The following HIP1 variants were observed in gnomAD, a reference collection of about 807,000 sequenced individuals.
HIP1 encodes huntingtin interacting protein 1, also known as huntingtin-interacting protein 1.
In HIP1, 65 loss-of-function variants were observed where a neutral mutation model predicts 147.6. The observed-to-expected ratio is 0.44, with a 90% CI of 0.36 to 0.54. The LOEUF (loss-of-function observed/expected upper bound fraction) is 0.54. Ranked by LOEUF, HIP1 falls within the 20% of genes least tolerant of loss-of-function variation. The pLI, the probability that HIP1 is intolerant of heterozygous loss-of-function variation, is 0.00. For missense variants in HIP1, 1,061 were observed against 1,299.6 expected, an observed-to-expected ratio of 0.82 and a Z score of 2.82; for synonymous variants, 479 against 504.0, an observed-to-expected ratio of 0.95 and a Z score of 0.67.
At chr7:75,589,408 G>A (rs1438670043) in intron 4 of HIP1, among the ~76,000 whole-genome samples, 3 of 151,948 alleles carry the variant, frequency 2.0e-5, no homozygotes, top group African/African-American at 7.2e-5. Context: ...AAAGGGGCTG[G>A]GCGCGATGGC....
At chr7:75,610,590 G>C (rs929566036) in intron 1 of HIP1, among the ~76,000 whole-genome samples, 2 of 151,638 alleles carry the variant, frequency 1.3e-5, no homozygotes, top group South Asian at 2.1e-4. Context: ...ACCCAGACTA[G>C]AATCCCAAGC....
At chr7:75,558,310 C>A in intron 14 of HIP1, 55 bp from the exon 15 acceptor site, 1 of 1,350,612 alleles carries the variant, frequency 7.4e-7, no homozygotes, top group Non-Finnish European at 1.1e-6. Context: ...CCCTTGCCTT[C>A]CTTGCAATGA....
intron 1 of HIP1, among the ~76,000 whole-genome samples, chr7:75,619,913 C>G (rs140490722): frequency 1.3e-4 from 20 of 152,312 alleles, no homozygotes; most frequent in Non-Finnish European, 2.5e-4. Flanking sequence ...GATACCACCC[C>G]TGCTCTCTGT....
chr7:75,574,530 A>C (rs1795768425), intron 7 of HIP1, among the ~76,000 whole-genome samples: 1 of 150,656 alleles, frequency 6.6e-6, no homozygotes. Flanking sequence ...CAGAGGTTGC[A>C]GTGAGCCGAG....
intron 1 of HIP1, among the ~76,000 whole-genome samples, chr7:75,689,310 C>T (rs1295282365): frequency 1.3e-5 from 2 of 151,938 alleles, no homozygotes; most frequent in Non-Finnish European, 2.9e-5. Context: ...ATTCGAGACC[C>T]GCCTGGCCAA....
At position 75,661,933 on chromosome 7, in the gene HIP1, A is replaced by G. The variant is rs368717954; in HGVS notation, c.121-62686T>C. 1.9e-3 allele frequency among the ~76,000 whole-genome samples: 283 copies of G among 152,124 alleles called. 2 individuals are homozygous for G. Among genetic ancestry groups the G allele is most frequent in the African/African-American group, 6.5e-3 (271 of 41,478 alleles). ...AGAGGAGGCAATCAGGCTTTTAAGGATGGAGAAGATTTGCATATGGTGGGA... is the reference window on the plus strand; with the variant it reads ...AGAGGAGGCAATCAGGCTTTTAAGGGTGGAGAAGATTTGCATATGGTGGGA... On this transcript the variant is annotated intron_variant, in intron 1 of 30. Coordinates refer to ENST00000336926, the MANE Select transcript of HIP1 (RefSeq NM_005338.7).
At chr7:75,661,949 T>C (rs1325764871) in intron 1 of HIP1, among the ~76,000 whole-genome samples, 1 of 151,594 alleles carries the variant, frequency 6.6e-6, no homozygotes, top group African/African-American at 2.4e-5. Flanking sequence ...AAGATTTGCA[T>C]ATGGTGGGAG....
At chr7:75,626,122 A>G (rs187209047) in intron 1 of HIP1, 3 of 152,270 alleles carry the variant, frequency 2.0e-5, no homozygotes, top group Admixed American at 2.0e-4. Flanking sequence ...TCTATTGTTT[A>G]TAGACCCAGT....
chr7:75,725,682 G>C (rs1348477847), intron 1 of HIP1, among the ~76,000 whole-genome samples: 2 of 152,098 alleles, frequency 1.3e-5, no homozygotes, highest in Non-Finnish European at 2.9e-5. Flanking sequence ...ATTTTCATGG[G>C]TGTATAGTAT....
intron 1 of HIP1, among the ~76,000 whole-genome samples, chr7:75,661,799 C>G (rs1468102577): frequency 6.6e-6 from 1 of 151,672 alleles, no homozygotes; most frequent in African/African-American, 2.4e-5. Flanking sequence ...CTTGGAGCCA[C>G]TGGGGGAGGA....
chr7:75,567,665 G>A (rs781926875), intron 9 of HIP1, among the ~76,000 whole-genome samples: 4 of 149,582 alleles, frequency 2.7e-5, no homozygotes, highest in African/African-American at 1.0e-4. Context: ...GCTGGGCATG[G>A]TGGTGTGTGC....
chr7:75,545,641 C>CAAACA (rs782410901), intron 25 of HIP1, among the ~76,000 whole-genome samples: 9 of 149,630 alleles, frequency 6.0e-5, no homozygotes, highest in African/African-American at 7.4e-5. Flanking sequence ...GATTCTGTCT[C>CAAACA]AAACAAAACA....
At chr7:75,542,506 T>C (rs759842621) in intron 28 of HIP1, among the ~76,000 whole-genome samples, 105 of 150,618 alleles carry the variant, frequency 7.0e-4, no homozygotes, top group Non-Finnish European at 1.3e-3. Flanking sequence ...CGAGACCAGC[T>C]TGGCTAACAT....
At chr7:75,643,083 G>A (rs1323215227) in intron 1 of HIP1, among the ~76,000 whole-genome samples, 2 of 152,230 alleles carry the variant, frequency 1.3e-5, no homozygotes, top group Admixed American at 6.5e-5. Context: ...CTACTGGTGA[G>A]TCGAGATTCT....
At chr7:75,574,666 G>C (rs587700705) in intron 7 of HIP1, among the ~76,000 whole-genome samples, 1 of 152,230 alleles carries the variant, frequency 6.6e-6, no homozygotes, top group African/African-American at 2.4e-5. Flanking sequence ...AGAGCTGATG[G>C]GGCCAATGAT....
chr7:75,689,246 A>G (rs782533300), intron 1 of HIP1, among the ~76,000 whole-genome samples: 1 of 151,996 alleles, frequency 6.6e-6, no homozygotes, highest in Non-Finnish European at 1.5e-5. Flanking sequence ...TGGCTCACAC[A>G]TGTAATCCCA....
intron 1 of HIP1, among the ~76,000 whole-genome samples, chr7:75,675,403 G>C (rs1429935592): frequency 6.6e-6 from 1 of 152,066 alleles, no homozygotes; most frequent in Non-Finnish European, 1.5e-5. Flanking sequence ...GTTTCACCAT[G>C]TTGGCCAGGC....
intron 13 of HIP1, 144 bp downstream of exon 13, chr7:75,561,185 C>G: frequency 1.4e-6 from 1 of 719,128 alleles, no homozygotes; most frequent in South Asian, 1.6e-5. Flanking sequence ...AACTCCCGAC[C>G]TCAGGTAATC....
Position 75,538,153 on chromosome 7 carries a change from A to G in HIP1, c.*19T>C. 1 of 1,596,864 alleles carries G rather than the reference A, an allele frequency of 6.3e-7. No individual in the cohort carries two copies. The highest frequency in any genetic ancestry group is 1.1e-5 in the South Asian group (1 of 90,704). On this transcript the variant is annotated 3_prime_UTR_variant, in exon 31 of 31. Coordinates refer to ENST00000336926, the MANE Select transcript of HIP1 (RefSeq NM_005338.7). ...AGGTAACAAGGATTTACACTGACAT[A>G]TGGGGTGTTGGTTTGGCTCTATTCT...
Sources: allele counts gnomAD v4.1 joint callset (sites outside exome capture counted in the v4.1 genomes callset), GRCh38; gene constraint gnomAD v4.1.1; transcripts MANE v1.5; gene names NCBI Gene and HGNC (gene_info 2026-07-23, HGNC 2026-07-21).